The following CACNA1E variants were observed in gnomAD, a reference collection of about 807,000 sequenced individuals.
CACNA1E encodes calcium voltage-gated channel subunit alpha1 E.
CACNA1E carries 40 observed loss-of-function variants against 259.2 expected under a neutral mutation model. The ratio of observed to expected loss-of-function variants is 0.15; its 90% CI spans 0.12 to 0.20. The LOEUF is 0.20. Ranked by LOEUF, CACNA1E falls within the 10% of genes least tolerant of loss-of-function variation. The pLI is 1.00. For synonymous variants in CACNA1E, 1,104 were observed against 1,138.5 expected (o/e 0.97, Z 0.61); for missense variants, 1,874 against 3,040.1 (o/e 0.62, Z 9.02).
intron 3 of CACNA1E, among the ~76,000 whole-genome samples, chr1:181,551,804 C>T (rs73054075): frequency 0.028 from 4,256 of 152,160 alleles, 202 homozygotes; most frequent in African/African-American, 0.097. Context: ...GCAAGGCACA[C>T]CACTCCATTG....
At chr1:181,671,976 G>T (rs1648850162) in intron 7 of CACNA1E, among the ~76,000 whole-genome samples, 2 of 152,140 alleles carry the variant, frequency 1.3e-5, no homozygotes, top group South Asian at 4.1e-4. Flanking sequence ...CAAAGACATG[G>T]AATCAACTTA....
At position 181,508,613 on chromosome 1, in the gene CACNA1E, A is replaced by C. The variant is rs566969371; in HGVS notation, c.267-1864A>C. Among the ~76,000 whole-genome samples the C allele has an allele frequency of 2.0e-5, 3 of 152,292 alleles. No individual in the cohort carries two copies. In the South Asian group the frequency reaches 6.2e-4, roughly 32 times the overall value. ...CTGCATTTTTTCAGAGGTCTGGGTTACAGCCATGATGGGAGGGGAGGAGCA... is the reference window on the plus strand; with the variant it reads ...CTGCATTTTTTCAGAGGTCTGGGTTCCAGCCATGATGGGAGGGGAGGAGCA... On this transcript the variant is annotated intron_variant, in intron 1 of 47. Coordinates refer to ENST00000367573, the MANE Select transcript of CACNA1E (RefSeq NM_001205293.3).
intron 6 of CACNA1E, among the ~76,000 whole-genome samples, chr1:181,622,490 C>G (rs1329217335): frequency 2.6e-5 from 4 of 152,186 alleles, no homozygotes. Context: ...TGTCCTGAGC[C>G]TCTCTCCTTG....
intron 44 of CACNA1E, among the ~76,000 whole-genome samples, chr1:181,793,321 A>G (rs1198744938): frequency 1.3e-5 from 2 of 152,352 alleles, no homozygotes; most frequent in African/African-American, 4.8e-5. Flanking sequence ...CAATGCTATC[A>G]CTTCTTAGAA....
intron 1 of CACNA1E, among the ~76,000 whole-genome samples, chr1:181,507,096 G>C (rs188312341): frequency 1.4e-3 from 211 of 151,608 alleles, no homozygotes; most frequent in Non-Finnish European, 2.0e-3. Context: ...GCTGTGAATG[G>C]GCCTCACATC....
chr1:181,569,136 G>A (rs7534913), intron 3 of CACNA1E, among the ~76,000 whole-genome samples: 74,714 of 152,060 alleles, frequency 0.49, 18,723 homozygotes, highest in East Asian at 0.67. Flanking sequence ...CTGACCTTTC[G>A]CTTATCATAA....
intron 1 of CACNA1E, among the ~76,000 whole-genome samples, chr1:181,377,784 A>C (rs1655198331): frequency 6.6e-6 from 1 of 152,256 alleles, no homozygotes; most frequent in African/African-American, 2.4e-5. Flanking sequence ...AAATGAATGC[A>C]TAATGAGGTT....
Position 181,760,221 on chromosome 1 carries a change from A to G in CACNA1E, c.4605+1353A>G, listed in dbSNP as rs553842992. Among the ~76,000 whole-genome samples the G allele has an allele frequency of 1.1e-4, 16 of 152,248 alleles. No individual in the cohort carries two copies. In the East Asian group the frequency reaches 3.1e-3, roughly 29 times the overall value. The stretch of plus-strand genomic sequence containing the variant: ...GTGCTGAATATATACTCACAGCCTT[A>G]ACTAGATTCGGCCCTTGAAGCCTGC... On this transcript the variant is annotated intron_variant, in intron 32 of 47. Transcript: ENST00000367573.
At chr1:181,594,100 T>C (rs1652928698) in intron 6 of CACNA1E, among the ~76,000 whole-genome samples, 1 of 152,178 alleles carries the variant, frequency 6.6e-6, no homozygotes, top group Non-Finnish European at 1.5e-5. Flanking sequence ...CTTTGTTTTG[T>C]GAAAATTTTG....
chr1:181,600,552 C>T (rs977185138), intron 6 of CACNA1E, among the ~76,000 whole-genome samples: 6 of 151,994 alleles, frequency 3.9e-5, no homozygotes, highest in Non-Finnish European at 7.4e-5. Context: ...GCTGGCAGGA[C>T]TTGTTAATGG....
At chr1:181,590,552 C>A (rs1352050953) in intron 6 of CACNA1E, among the ~76,000 whole-genome samples, 1 of 151,986 alleles carries the variant, frequency 6.6e-6, no homozygotes, top group African/African-American at 2.4e-5. Context: ...AGGACCAATG[C>A]CAGAGGACCT....
chr1:181,419,579 A>G (rs1658568715), intron 2 of CACNA1E, among the ~76,000 whole-genome samples: 1 of 152,250 alleles, frequency 6.6e-6, no homozygotes, highest in Admixed American at 6.5e-5. Context: ...ACATACAAGC[A>G]CAGATATTTT....
intron 6 of CACNA1E, among the ~76,000 whole-genome samples, chr1:181,588,745 A>G (rs190528763): frequency 6.6e-6 from 1 of 152,338 alleles, no homozygotes; most frequent in East Asian, 1.9e-4. Flanking sequence ...TTTCTAATCC[A>G]TGGCCAAAGG....
chr1:181,390,816 T>G (rs76125689), intron 1 of CACNA1E, among the ~76,000 whole-genome samples: 3,091 of 152,220 alleles, frequency 0.02, 116 homozygotes, highest in African/African-American at 0.068. Context: ...CAGATGGACA[T>G]GTAACTATGT....
In CACNA1E at chr1:181,779,819, T is replaced by TACACACACAC. The variant is rs56301632; in HGVS notation, c.5268-1586_5268-1577dup. 8.9e-3 allele frequency among the ~76,000 whole-genome samples: 1,325 copies of TACACACACAC among 148,384 alleles called. 16 individuals are homozygous for TACACACACAC. The highest frequency in any genetic ancestry group is 0.023 in the African/African-American group (909 of 40,164). Reference sequence around the variant, plus strand: ...TCATGTATGTGTGTATATGCACATGTACACACACACACACACACACACACA... The same window carrying TACACACACAC: ...TCATGTATGTGTGTATATGCACATGTACACACACACACACACACACACACACACACACACA... On this transcript the variant is annotated intron_variant, in intron 38 of 47. Coordinates refer to ENST00000367573, the MANE Select transcript of CACNA1E (RefSeq NM_001205293.3).
At chr1:181,384,683 T>C (rs1419722108) in intron 1 of CACNA1E, among the ~76,000 whole-genome samples, 1 of 152,140 alleles carries the variant, frequency 6.6e-6, no homozygotes, top group Admixed American at 6.6e-5. Flanking sequence ...TCCTCCTATC[T>C]TGGAAGGGAC....
At chr1:181,543,798 A>T (rs1225563589) in intron 3 of CACNA1E, among the ~76,000 whole-genome samples, 9 of 152,206 alleles carry the variant, frequency 5.9e-5, no homozygotes, top group Non-Finnish European at 4.4e-5. Flanking sequence ...ATACCACCTC[A>T]CACCCATTAG....
At chr1:181,530,102 G>A (rs6685263) in intron 3 of CACNA1E, among the ~76,000 whole-genome samples, 38,546 of 152,070 alleles carry the variant, frequency 0.25, 5,367 homozygotes, top group Non-Finnish European at 0.31. Flanking sequence ...ACTGAATCAC[G>A]AGGGCTAGTC....
At chr1:181,381,275 TAAAC>T (rs892911482) in intron 1 of CACNA1E, among the ~76,000 whole-genome samples, 11 of 151,930 alleles carry the variant, frequency 7.2e-5, no homozygotes, top group Non-Finnish European at 1.5e-4. Context: ...GATGCATGGA[TAAAC>T]AAACCCATAT....
Sources: gnomAD v4.1 joint callset for allele counts (sites outside exome capture counted in the v4.1 genomes callset) on GRCh38, gnomAD v4.1.1 for gene constraint, MANE v1.5 for transcripts, NCBI Gene and HGNC (gene_info 2026-07-23, HGNC 2026-07-21) for gene names.